The following ANKS1B variants were observed in gnomAD, a reference collection of about 807,000 sequenced individuals.
ANKS1B encodes ankyrin repeat and sterile alpha motif domain-containing protein 1B.
Under a neutral mutation model 148.3 loss-of-function variants are expected in ANKS1B, and 36 were observed. That is an observed-to-expected ratio of 0.24 (90% confidence interval 0.19 to 0.32). ANKS1B has a LOEUF of 0.32. Ranked by LOEUF, ANKS1B falls within the 10% of genes least tolerant of loss-of-function variation. ANKS1B has a pLI of 1.00. For synonymous variants in ANKS1B, 542 were observed against 560.8 expected (o/e 0.97, Z 0.47); for missense variants, 1,157 against 1,542.6 (o/e 0.75, Z 4.19).
chr12:98,946,159 T>G (rs1436854243), intron 17 of ANKS1B, among the ~76,000 whole-genome samples: 2 of 152,218 alleles, frequency 1.3e-5, no homozygotes, highest in Non-Finnish European at 2.9e-5. Context: ...TTTTTGGGGC[T>G]TCTAGGTAAA....
chr12:99,207,863 T>C (rs1299384907), intron 14 of ANKS1B, among the ~76,000 whole-genome samples: 2 of 152,032 alleles, frequency 1.3e-5, no homozygotes, highest in Non-Finnish European at 2.9e-5. Flanking sequence ...CACAACTGAA[T>C]GAATAAGAAA....
intron 1 of ANKS1B, among the ~76,000 whole-genome samples, chr12:99,903,993 T>C (rs1026836717): frequency 6.6e-6 from 1 of 152,210 alleles, no homozygotes; most frequent in African/African-American, 2.4e-5. Flanking sequence ...AAGAGCGATA[T>C]ATGACTAGTG....
intron 8 of ANKS1B, among the ~76,000 whole-genome samples, chr12:99,747,755 T>TACACTTA (rs1023623669): frequency 2.0e-5 from 3 of 152,096 alleles, no homozygotes; most frequent in African/African-American, 4.8e-5. Context: ...CTTTCTCTCC[T>TACACTTA]ACACTTAACT....
intron 9 of ANKS1B, among the ~76,000 whole-genome samples, chr12:99,646,082 T>A (rs2098360480): frequency 1.3e-5 from 2 of 148,240 alleles, no homozygotes; most frequent in African/African-American, 4.9e-5. Context: ...ATACTACCAA[T>A]CCTGTTATCC....
chr12:99,571,356 T>C (rs964762529), intron 9 of ANKS1B, among the ~76,000 whole-genome samples: 8 of 151,752 alleles, frequency 5.3e-5, no homozygotes, highest in Non-Finnish European at 1.2e-4. Context: ...TCTACAGGTA[T>C]AGATAGAGAG....
At chr12:99,864,265 G>A (rs1603390940) in intron 1 of ANKS1B, among the ~76,000 whole-genome samples, 1 of 151,914 alleles carries the variant, frequency 6.6e-6, no homozygotes, top group East Asian at 1.9e-4. Flanking sequence ...TATTCCTATG[G>A]CACAACTGTG....
chr12:98,909,123 G>A (rs1001036229), intron 17 of ANKS1B, among the ~76,000 whole-genome samples: 4 of 152,160 alleles, frequency 2.6e-5, no homozygotes, highest in Non-Finnish European at 5.9e-5. Context: ...CTTCCTCTGA[G>A]TGACCTCCCT....
chr12:99,793,219 C>T (rs1377915751), intron 4 of ANKS1B, among the ~76,000 whole-genome samples: 1 of 151,936 alleles, frequency 6.6e-6, no homozygotes, highest in Admixed American at 6.6e-5. Context: ...ATATTCCATG[C>T]TCATGAATTG....
intron 17 of ANKS1B, among the ~76,000 whole-genome samples, chr12:98,966,119 G>A (rs1433586320): frequency 3.3e-5 from 5 of 152,120 alleles, no homozygotes; most frequent in South Asian, 2.1e-4. Flanking sequence ...GCAACCTACA[G>A]AATGGGAGAA....
intron 14 of ANKS1B, among the ~76,000 whole-genome samples, chr12:99,220,187 A>G (rs1566662724): frequency 1.3e-5 from 2 of 152,050 alleles, no homozygotes; most frequent in East Asian, 1.9e-4. Context: ...TTGAGTAGAG[A>G]CAGGGTTTCA....
chr12:99,624,903 C>A (rs2098094687), intron 9 of ANKS1B, among the ~76,000 whole-genome samples: 1 of 151,864 alleles, frequency 6.6e-6, no homozygotes, highest in Admixed American at 6.6e-5. Flanking sequence ...GGGTATATAC[C>A]AAAAGGAAAA....
At chr12:99,669,950 A>G (rs566770104) in intron 8 of ANKS1B, among the ~76,000 whole-genome samples, 9 of 152,136 alleles carry the variant, frequency 5.9e-5, no homozygotes, top group African/African-American at 2.2e-4. Flanking sequence ...TATCTTTTCT[A>G]TTAGGGATCA....
intron 1 of ANKS1B, among the ~76,000 whole-genome samples, chr12:99,977,624 A>G (rs1321728007): frequency 6.6e-6 from 1 of 152,230 alleles, no homozygotes; most frequent in Non-Finnish European, 1.5e-5. Context: ...TGTAAAATGT[A>G]TTTGATATCC....
chr12:99,374,064 C>A (rs1178873514), intron 12 of ANKS1B, among the ~76,000 whole-genome samples: 1 of 152,110 alleles, frequency 6.6e-6, no homozygotes, highest in African/African-American at 2.4e-5. Flanking sequence ...GTCTCAGTAA[C>A]CCTGATCTAG....
At chr12:99,928,983 T>C (rs2094544585) in intron 1 of ANKS1B, among the ~76,000 whole-genome samples, 1 of 152,140 alleles carries the variant, frequency 6.6e-6, no homozygotes, top group African/African-American at 2.4e-5. Flanking sequence ...TTAATAAAAA[T>C]TTCAGGCCCC....
intron 11 of ANKS1B, among the ~76,000 whole-genome samples, chr12:99,436,380 C>G (rs1435941028): frequency 6.6e-6 from 1 of 151,938 alleles, no homozygotes; most frequent in Non-Finnish European, 1.5e-5. Flanking sequence ...AAATGAAACA[C>G]ATACTCAATC....
chr12:98,855,139 C>A (rs1393511993), intron 17 of ANKS1B, among the ~76,000 whole-genome samples: 1 of 146,970 alleles, frequency 6.8e-6, no homozygotes, highest in Admixed American at 6.8e-5. Flanking sequence ...GCAGTCCGAC[C>A]TGGGCGACAG....
At chr12:99,153,084 G>C (rs117297595) in intron 15 of ANKS1B, among the ~76,000 whole-genome samples, 2,099 of 152,148 alleles carry the variant, frequency 0.014, 24 homozygotes, top group Non-Finnish European at 0.019. Flanking sequence ...CAATTACTTA[G>C]AGCTCATATA....
chr12:99,631,389 G>A (rs1328036543), intron 9 of ANKS1B, among the ~76,000 whole-genome samples: 2 of 152,140 alleles, frequency 1.3e-5, no homozygotes, highest in Admixed American at 1.3e-4. Context: ...CTAGATAATG[G>A]GCAGAAGCTG....
Sources: allele counts gnomAD v4.1 joint callset (sites outside exome capture counted in the v4.1 genomes callset), GRCh38; gene constraint gnomAD v4.1.1; transcripts MANE v1.5; gene names NCBI Gene and HGNC (gene_info 2026-07-23, HGNC 2026-07-21).